DYNC2H1: variants seen among roughly 807,000 people sequenced by gnomAD.
The protein encoded by DYNC2H1 is dynein cytoplasmic 2 heavy chain 1.
DYNC2H1 carries 410 observed loss-of-function variants against 570.0 expected under a neutral mutation model. The ratio of observed to expected loss-of-function variants is 0.72; its 90% CI spans 0.66 to 0.78. The LOEUF (loss-of-function observed/expected upper bound fraction) is 0.78. Ranked by LOEUF, DYNC2H1 falls within the 30% of genes least tolerant of loss-of-function variation. DYNC2H1 has a pLI of 0.00. For synonymous variants in DYNC2H1, 1,688 were observed against 1,677.6 expected (o/e 1.01, Z -0.15); for missense variants, 4,865 against 5,046.4 (o/e 0.96, Z 1.09).
At chr11:103,235,900 T>C in intron 62 of DYNC2H1, 87 bp downstream of exon 62, 1 of 1,465,304 alleles carries the variant, frequency 6.8e-7, no homozygotes, top group Non-Finnish European at 9.1e-7. Flanking sequence ...ATAGACCCTT[T>C]ATTCTCTGTT....
At chr11:103,385,714 G>GCTC (rs1238896422) in intron 83 of DYNC2H1, among the ~76,000 whole-genome samples, 1 of 152,156 alleles carries the variant, frequency 6.6e-6, no homozygotes, top group Non-Finnish European at 1.5e-5. Context: ...AGGTCATCTG[G>GCTC]CTCCTGGAGA....
rs1866090882 is a variant in DYNC2H1, at chr11:103,280,576, C to T, written c.10761+163C>T. On this transcript the variant is annotated intron_variant, in intron 71 of 88. Transcript: ENST00000375735. This position sits in a 1 kb window ranked among gnomAD's most constrained non-coding sequence, Gnocchi z 4.7. The stretch of plus-strand genomic sequence containing the variant: ...TATAAAATGGTGATTCCTAGTTCTA[C>T]TTCCCTGTGGATGAGCCTAACATTC... Among the ~76,000 whole-genome samples the T allele has an allele frequency of 6.6e-6, 1 of 152,150 alleles. No homozygotes were observed. Among genetic ancestry groups the T allele is most frequent in the Admixed American group, 6.6e-5 (1 of 15,266 alleles).
rs143366046 is a variant in DYNC2H1, at chr11:103,460,401, G to A, written c.12648+4045G>A. Among the ~76,000 whole-genome samples, 734 of 147,052 alleles carry A rather than the reference G, an allele frequency of 5.0e-3. 3 individuals are homozygous for A. Among genetic ancestry groups the A allele is most frequent in the African/African-American group, 0.018 (702 of 39,862 alleles). Reference sequence around the variant, plus strand: ...TCATATTTCCCAAAGTATATTGACCGTTCTTTCAAAATGGGAATAAAGTCG... The same window carrying A: ...TCATATTTCCCAAAGTATATTGACCATTCTTTCAAAATGGGAATAAAGTCG... On this transcript the variant is annotated intron_variant, in intron 87 of 88. Coordinates refer to ENST00000375735, the MANE Select transcript of DYNC2H1 (RefSeq NM_001377.3).
At chr11:103,269,724 A>G (rs678117) in intron 70 of DYNC2H1, among the ~76,000 whole-genome samples, 8,515 of 152,240 alleles carry the variant, frequency 0.056, 315 homozygotes, top group Middle Eastern at 0.13. Context: ...CCTATTTCAG[A>G]CAATTATAGG....
At chr11:103,281,393 A>G (rs562499101) in intron 71 of DYNC2H1, among the ~76,000 whole-genome samples, 31 of 152,188 alleles carry the variant, frequency 2.0e-4, no homozygotes, top group Non-Finnish European at 3.7e-4. Context: ...TAAAGTATAA[A>G]CAAATTGTCA....
In DYNC2H1 at chr11:103,175,727, G is replaced by A. The variant is rs144369201; in HGVS notation, c.5675-508G>A. ...GTTTATCTTAGGACATAAACTGTGA[G>A]ACGATATTGGTATATTTGGAGAGGC... On this transcript the variant is annotated intron_variant, in intron 36 of 88. Transcript: ENST00000375735. 3.4e-4 allele frequency among the ~76,000 whole-genome samples: 52 copies of A among 152,270 alleles called. No homozygotes were observed. In the East Asian group the frequency reaches 0.01, roughly 29 times the overall value.
intron 47 of DYNC2H1, among the ~76,000 whole-genome samples, chr11:103,195,160 A>T (rs1036887267): frequency 1.3e-5 from 2 of 152,314 alleles, no homozygotes; most frequent in South Asian, 4.2e-4. Context: ...ACAGATAAAA[A>T]GTTTTTATAT....
At chr11:103,352,564 A>G (rs982134297) in intron 82 of DYNC2H1, among the ~76,000 whole-genome samples, 7 of 152,190 alleles carry the variant, frequency 4.6e-5, no homozygotes, top group African/African-American at 7.2e-5. Flanking sequence ...TAACAATTAC[A>G]TTGTTGTCAG....
At chr11:103,405,970 G>C (rs972888248) in intron 84 of DYNC2H1, 9 of 151,928 alleles carry the variant, frequency 5.9e-5, no homozygotes, top group African/African-American at 2.2e-4. Context: ...GCTTCAATCC[G>C]CCTTTCCCCG....
intron 11 of DYNC2H1, among the ~76,000 whole-genome samples, chr11:103,123,379 C>T (rs929944139): frequency 1.3e-5 from 2 of 151,978 alleles, no homozygotes; most frequent in Admixed American, 1.3e-4. Context: ...TTTTTAAACT[C>T]CTTGAGACAG....
At chr11:103,294,422 T>A (rs987573741) in intron 75 of DYNC2H1, among the ~76,000 whole-genome samples, 1 of 152,176 alleles carries the variant, frequency 6.6e-6, no homozygotes, top group African/African-American at 2.4e-5. Context: ...TAAAGCTGTT[T>A]TAGCACTATT....
intron 6 of DYNC2H1, 102 bp from the exon 7 acceptor site, chr11:103,120,345 C>A: frequency 8.8e-7 from 1 of 1,142,156 alleles, no homozygotes; most frequent in African/African-American, 1.6e-5. Context: ...TTTTAGTAAA[C>A]CTAATTTAAA....
intron 83 of DYNC2H1, among the ~76,000 whole-genome samples, chr11:103,389,806 T>A (rs1591668337): frequency 6.6e-6 from 1 of 152,230 alleles, no homozygotes; most frequent in East Asian, 1.9e-4. Context: ...ATTGAGTGGT[T>A]TTGAGTGAGT....
At position 103,220,622 on chromosome 11, in the gene DYNC2H1, G is replaced by A. The variant is rs727503908; in HGVS notation, c.8947-1G>A. 6.3e-7 allele frequency: 1 copy of A among 1,596,624 alleles called. No individual in the cohort carries two copies. Among genetic ancestry groups the A allele is most frequent in the Non-Finnish European group, 8.5e-7 (1 of 1,172,732 alleles). ...ATAAAAATGGCCTTTTTCTCTTTTA[G>A]CCTTTAGTCAATGAAGCTAAACTAG... On this transcript the variant is annotated splice_acceptor_variant, in intron 56 of 88. Coordinates refer to ENST00000375735, the MANE Select transcript of DYNC2H1 (RefSeq NM_001377.3). LOFTEE classifies it high-confidence loss of function.
At chr11:103,123,384 A>G (rs1401007267) in intron 11 of DYNC2H1, among the ~76,000 whole-genome samples, 1 of 152,166 alleles carries the variant, frequency 6.6e-6, no homozygotes, top group Non-Finnish European at 1.5e-5. Flanking sequence ...AAACTCCTTG[A>G]GACAGAGTAT....
At position 103,121,516 on chromosome 11, in the gene DYNC2H1, A is replaced by T. The variant is rs537024904; in HGVS notation, c.1485+20A>T. ...TTGAAGGTATTTATTTTAATAAAAG[A>T]TGAAGAGTACTAATTATAAAATCTG... On this transcript the variant is annotated intron_variant, in intron 10 of 88. Transcript: ENST00000375735. 30 of 1,609,522 alleles carry T rather than the reference A, an allele frequency of 1.9e-5. No homozygotes were observed. The South Asian group carries it at 2.9e-4, about 16-fold the overall frequency.
intron 70 of DYNC2H1, among the ~76,000 whole-genome samples, chr11:103,267,257 G>C (rs1041712315): frequency 2.0e-5 from 3 of 151,650 alleles, no homozygotes; most frequent in South Asian, 2.1e-4. Flanking sequence ...CCGAGCTTCT[G>C]TGTCTTCCCT....
At chr11:103,247,772 G>A (rs932492831) in intron 65 of DYNC2H1, among the ~76,000 whole-genome samples, 1 of 152,028 alleles carries the variant, frequency 6.6e-6, no homozygotes, top group Non-Finnish European at 1.5e-5. Flanking sequence ...CTTGAAGTGA[G>A]CTCATTGTAC....
At chr11:103,431,558 A>G (rs1943895186) in intron 84 of DYNC2H1, among the ~76,000 whole-genome samples, 1 of 152,180 alleles carries the variant, frequency 6.6e-6, no homozygotes. Flanking sequence ...GTTTTGGACC[A>G]TGAATTTTAA....
Sources: gnomAD v4.1 joint callset for allele counts (sites outside exome capture counted in the v4.1 genomes callset) on GRCh38, gnomAD v4.1.1 for gene constraint, Gnocchi (gnomAD v3.1) non-coding constraint, MANE v1.5 for transcripts, NCBI Gene and HGNC (gene_info 2026-07-23, HGNC 2026-07-21) for gene names.